FGFR2: variants seen among roughly 807,000 people sequenced by gnomAD.
FGFR2 encodes fibroblast growth factor receptor 2.
In FGFR2, 19 loss-of-function variants were observed where a neutral mutation model predicts 95.9. That is an observed-to-expected ratio of 0.20 (90% CI 0.14 to 0.29). The LOEUF is 0.29. Among genes scored for constraint, FGFR2 ranks in the 10% least tolerant of loss-of-function variants. FGFR2 has a pLI of 1.00. For missense variants in FGFR2, 707 were observed against 1,056.9 expected (o/e 0.67, Z 4.59); for synonymous variants, 392 against 393.3 (o/e 1.00, Z 0.04).
In FGFR2 at chr10:121,551,458, T is replaced by C. The variant is rs763094016; in HGVS notation, c.456A>G (p.Arg152=). 5 of 1,614,108 alleles carry C rather than the reference T, an allele frequency of 3.1e-6. No homozygotes were observed. The highest frequency in any genetic ancestry group is 4.2e-6 in the Non-Finnish European group (5 of 1,180,008). ...TTTCTGTGTTGGTCCAGTATGGTGC[T>C]CCTGTTTTGGAAAACAGTATTAGAA... The part of the protein sequence containing the change: ...DFVSENSNNK[R]APYWTNTEKM... Residue 152 remains arginine (R), a splice_region_variant and synonymous_variant, in exon 5 of 18, where the codon AGA becomes AGG. Coordinates refer to ENST00000358487, the MANE Select transcript of FGFR2 (RefSeq NM_000141.5).
chr10:121,523,709 ATG>A (rs938310837), intron 6 of FGFR2, among the ~76,000 whole-genome samples: 1 of 152,258 alleles, frequency 6.6e-6, no homozygotes. Flanking sequence ...TTGTACATGC[ATG>A]TGTGTGTGTA....
At chr10:121,554,449 C>T (rs1182743801) in intron 4 of FGFR2, among the ~76,000 whole-genome samples, 2 of 151,646 alleles carry the variant, frequency 1.3e-5, no homozygotes, top group Non-Finnish European at 2.9e-5. Flanking sequence ...CGCCATTCTC[C>T]TGCCTCAGCC....
chr10:121,522,569 A>T (rs988073592), intron 6 of FGFR2, among the ~76,000 whole-genome samples: 1 of 152,192 alleles, frequency 6.6e-6, no homozygotes, highest in South Asian at 2.1e-4. Flanking sequence ...AAAGAAAAAA[A>T]ACTTAGGTGA....
intron 5 of FGFR2, among the ~76,000 whole-genome samples, chr10:121,549,907 G>A (rs1481846081): frequency 6.6e-6 from 1 of 152,128 alleles, no homozygotes; most frequent in Non-Finnish European, 1.5e-5. Flanking sequence ...CCTGATCCAG[G>A]CAACAATGAG....
At chr10:121,505,175 G>A (rs1848113515) in intron 9 of FGFR2, among the ~76,000 whole-genome samples, 2 of 152,208 alleles carry the variant, frequency 1.3e-5, no homozygotes, top group Admixed American at 1.3e-4. Flanking sequence ...GGAACCAGAG[G>A]ACCTGTCCTG....
At chr10:121,504,973 G>C (rs1251166861) in intron 9 of FGFR2, among the ~76,000 whole-genome samples, 1 of 152,202 alleles carries the variant, frequency 6.6e-6, no homozygotes, top group Non-Finnish European at 1.5e-5. Flanking sequence ...AGAATGTGAA[G>C]TTAACCACGA....
chr10:121,561,113 T>A (rs1183169783), intron 4 of FGFR2, among the ~76,000 whole-genome samples: 2 of 152,104 alleles, frequency 1.3e-5, no homozygotes, highest in African/African-American at 4.8e-5. Context: ...CCTACCAATA[T>A]CTATTTTATC....
At chr10:121,545,456 C>T (rs916122886) in intron 5 of FGFR2, among the ~76,000 whole-genome samples, 4 of 152,164 alleles carry the variant, frequency 2.6e-5, no homozygotes, top group African/African-American at 9.7e-5. Flanking sequence ...CAGTGTCTGC[C>T]TCTTTGGGCT....
rs114761590 is a variant in FGFR2 at position 121,590,398 on chromosome 10, T to C, written c.109+3311A>G. 3.3e-3 allele frequency among the ~76,000 whole-genome samples: 499 copies of C among 152,304 alleles called. 1 individual carries two copies. The highest frequency in any genetic ancestry group is 0.011 in the African/African-American group (477 of 41,558). On this transcript the variant is annotated intron_variant, in intron 2 of 17. Coordinates refer to ENST00000358487, the MANE Select transcript of FGFR2 (RefSeq NM_000141.5). The stretch of plus-strand genomic sequence containing the variant: ...GACTAGACTTCAAATATTTATAATG[T>C]TAATCAACAGAATAGTACTTGGCAT...
At chr10:121,496,890 A>G (rs1846910159) in intron 12 of FGFR2, among the ~76,000 whole-genome samples, 168 bp from the exon 13 acceptor site, 1 of 151,156 alleles carries the variant, frequency 6.6e-6, no homozygotes, top group Non-Finnish European at 1.5e-5. Flanking sequence ...CAGCCCTTAC[A>G]GAGGCCGAGG....
chr10:121,496,001 A>T (rs1008392655), intron 13 of FGFR2, among the ~76,000 whole-genome samples: 17 of 152,188 alleles, frequency 1.1e-4, no homozygotes, highest in African/African-American at 4.1e-4. Context: ...CCAACTTCTA[A>T]CCACAGAGGG....
chr10:121,581,446 G>A (rs1347135596), intron 2 of FGFR2, among the ~76,000 whole-genome samples: 1 of 151,946 alleles, frequency 6.6e-6, no homozygotes, highest in African/African-American at 2.4e-5. Flanking sequence ...CCTCCTTAAG[G>A]GGAAGACCAG....
intron 2 of FGFR2, among the ~76,000 whole-genome samples, chr10:121,592,874 TAACTC>T (rs1161347596): frequency 6.6e-6 from 1 of 152,048 alleles, no homozygotes; most frequent in African/African-American, 2.4e-5. Context: ...ACTCGAAAAA[TAACTC>T]AGCTACCAAT....
At chr10:121,514,923 T>G (rs113312826) in intron 9 of FGFR2, among the ~76,000 whole-genome samples, 194 bp downstream of exon 9, 1 of 152,282 alleles carries the variant, frequency 6.6e-6, no homozygotes, top group East Asian at 1.9e-4. Context: ...CTGGACCCCA[T>G]TGATCCAAGC....
chr10:121,500,711 T>A (rs1156518532), intron 11 of FGFR2, 115 bp downstream of exon 11: 1 of 1,437,106 alleles, frequency 7.0e-7, no homozygotes, highest in Non-Finnish European at 9.6e-7. Context: ...AACCCCTAGG[T>A]CAACTATGTG....
Position 121,517,495 on chromosome 10 carries a change from A to G in FGFR2, c.940-32T>C, listed in dbSNP as rs1366433928. 25 of 1,613,818 alleles carry G rather than the reference A, an allele frequency of 1.5e-5. No individual in the cohort carries two copies. The highest frequency in any genetic ancestry group is 2.7e-5 in the African/African-American group (2 of 74,936). On this transcript the variant is annotated intron_variant, in intron 7 of 17. Transcript: ENST00000358487. This position sits in a 1 kb window ranked among gnomAD's most constrained non-coding sequence, Gnocchi z 4.7. ...AACAAGGGAAGCAAAAGAAAAGGCT[A>G]GACGACACAGGAATGATTGTGGAGG...
At chr10:121,594,008 T>C in intron 1 of FGFR2, 41 bp from the exon 2 acceptor site, 6 of 677,178 alleles carry the variant, frequency 8.9e-6, no homozygotes, top group Non-Finnish European at 1.6e-5. Flanking sequence ...TCTTCCCCAA[T>C]GCCAAATCAC....
intron 2 of FGFR2, among the ~76,000 whole-genome samples, chr10:121,589,363 C>T (rs1364629940): frequency 1.3e-5 from 2 of 152,206 alleles, no homozygotes; most frequent in African/African-American, 4.8e-5. Context: ...AGTTTAAACA[C>T]GACCCCAGTT....
chr10:121,501,460 T>A (rs1847593804), intron 10 of FGFR2, among the ~76,000 whole-genome samples: 1 of 152,130 alleles, frequency 6.6e-6, no homozygotes, highest in African/African-American at 2.4e-5. Context: ...AAAAAGAAAA[T>A]TCTAAAAAAT....
Sources: allele counts gnomAD v4.1 joint callset (sites outside exome capture counted in the v4.1 genomes callset), GRCh38; gene constraint gnomAD v4.1.1; non-coding constraint Gnocchi (gnomAD v3.1); transcripts MANE v1.5; gene names NCBI Gene and HGNC (gene_info 2026-07-23, HGNC 2026-07-21).